The following CEP70 variants were observed in gnomAD, a reference collection of about 807,000 sequenced individuals.
CEP70 encodes centrosomal protein 70, also known as centrosomal protein of 70 kDa.
A neutral mutation model predicts 90.9 loss-of-function variants in CEP70; 70 were observed. The observed-to-expected ratio is 0.77, with a 90% CI of 0.64 to 0.94. The LOEUF is 0.94. Among genes scored for constraint, CEP70 ranks in the 40% least tolerant of loss-of-function variants. The pLI, the probability that CEP70 is intolerant of heterozygous loss-of-function variation, is 0.00. For synonymous variants in CEP70, 220 were observed against 228.3 expected, an observed-to-expected ratio of 0.96 and a Z score of 0.33; for missense variants, 648 against 669.0, an observed-to-expected ratio of 0.97 and a Z score of 0.35.
At chr3:138,544,547 G>GTC (rs1560377674) in intron 6 of CEP70, among the ~76,000 whole-genome samples, 4 of 151,416 alleles carry the variant, frequency 2.6e-5, no homozygotes, top group Non-Finnish European at 5.9e-5. Context: ...ATGTGTGTGT[G>GTC]TGTGTATATA....
At chr3:138,583,452 T>G (rs2041964206) in intron 2 of CEP70, among the ~76,000 whole-genome samples, 1 of 152,160 alleles carries the variant, frequency 6.6e-6, no homozygotes, top group Non-Finnish European at 1.5e-5. Context: ...ATAGAACAAA[T>G]GGACCTAACA....
Position 138,505,475 on chromosome 3 carries a change from A to G in CEP70, c.1051-10T>C, listed in dbSNP as rs933770623. The stretch of plus-strand genomic sequence containing the variant: ...TGATGCTACACAGCACCTTTAAAAA[A>G]ACATAGTGTATATAGTCAAAATATT... On this transcript the variant is annotated splice_polypyrimidine_tract_variant and intron_variant, in intron 12 of 17. Transcript: ENST00000264982. The G allele has an allele frequency of 6.4e-7, 1 of 1,555,610 alleles. No homozygotes were observed. Among genetic ancestry groups the G allele is most frequent in the Non-Finnish European group, 8.7e-7 (1 of 1,155,282 alleles).
intron 8 of CEP70, chr3:138,530,515 C>T (rs2037716313): frequency 1.1e-6 from 1 of 876,792 alleles, no homozygotes; most frequent in Non-Finnish European, 1.4e-6. Context: ...AAAACAACAA[C>T]AACAACAAAA....
At chr3:138,521,797 C>T (rs1216732087) in intron 11 of CEP70, among the ~76,000 whole-genome samples, 2 of 152,218 alleles carry the variant, frequency 1.3e-5, no homozygotes, top group Admixed American at 1.3e-4. Context: ...CCCAACAGCT[C>T]ATTGAGAACA....
intron 1 of CEP70, among the ~76,000 whole-genome samples, chr3:138,592,588 T>C (rs764538665): frequency 2.6e-5 from 4 of 152,126 alleles, no homozygotes; most frequent in Non-Finnish European, 5.9e-5. Flanking sequence ...GGGTAGGAGT[T>C]GATTTGTACA....
intron 2 of CEP70, among the ~76,000 whole-genome samples, chr3:138,581,024 C>T (rs2041825282): frequency 6.6e-6 from 1 of 151,990 alleles, no homozygotes; most frequent in Non-Finnish European, 1.5e-5. Flanking sequence ...GTGGCTCATG[C>T]CTGTAATCCC....
chr3:138,503,455 C>A (rs75403164), intron 13 of CEP70, among the ~76,000 whole-genome samples: 1 of 152,044 alleles, frequency 6.6e-6, no homozygotes, highest in Non-Finnish European at 1.5e-5. Flanking sequence ...CAAATTTAAC[C>A]TGAGGGAAAA....
At chr3:138,589,392 T>G (rs577904953) in intron 2 of CEP70, among the ~76,000 whole-genome samples, 74 of 151,868 alleles carry the variant, frequency 4.9e-4, no homozygotes, top group African/African-American at 1.6e-3. Context: ...TAGTGGCTCA[T>G]GCCTGTAATC....
At chr3:138,538,906 C>A (rs886450067) in intron 6 of CEP70, among the ~76,000 whole-genome samples, 21 of 152,100 alleles carry the variant, frequency 1.4e-4, no homozygotes. Context: ...AATCTGTTGT[C>A]ATATAATTGT....
chr3:138,500,956 T>C (rs879472780), intron 13 of CEP70, 75 bp from the exon 14 acceptor site: 11 of 591,608 alleles, frequency 1.9e-5, no homozygotes, highest in South Asian at 7.2e-5. Flanking sequence ...ACATAATTAG[T>C]AAAATTATAA....
chr3:138,532,366 C>T (rs1017409206), intron 8 of CEP70, 148 bp downstream of exon 8: 19 of 536,560 alleles, frequency 3.5e-5, no homozygotes, highest in African/African-American at 3.4e-4. Flanking sequence ...TTGTAAAATA[C>T]AGTCTTCAAG....
At chr3:138,516,290 G>A (rs1012351971) in intron 11 of CEP70, among the ~76,000 whole-genome samples, 1 of 152,066 alleles carries the variant, frequency 6.6e-6, no homozygotes, top group Non-Finnish European at 1.5e-5. Flanking sequence ...GGAATAGTAG[G>A]AAGGGAATAA....
At chr3:138,554,801 T>C (rs943585147) in intron 6 of CEP70, among the ~76,000 whole-genome samples, 2 of 152,358 alleles carry the variant, frequency 1.3e-5, no homozygotes, top group South Asian at 4.1e-4. Context: ...TTGTAGATTC[T>C]GGATATTAGT....
intron 12 of CEP70, among the ~76,000 whole-genome samples, chr3:138,506,733 G>A (rs757683631): frequency 6.6e-6 from 1 of 152,078 alleles, no homozygotes; most frequent in Non-Finnish European, 1.5e-5. Flanking sequence ...TCAAATTGAT[G>A]TATGTATATT....
intron 7 of CEP70, among the ~76,000 whole-genome samples, chr3:138,533,715 G>C (rs1405798870): frequency 6.6e-6 from 1 of 152,170 alleles, no homozygotes; most frequent in Non-Finnish European, 1.5e-5. Context: ...TGGGGATTAG[G>C]AAAGCAAGCA....
intron 2 of CEP70, among the ~76,000 whole-genome samples, chr3:138,586,059 C>T (rs1376150598): frequency 1.3e-5 from 2 of 152,078 alleles, no homozygotes; most frequent in Admixed American, 6.5e-5. Flanking sequence ...AGCTTCTGCA[C>T]GGCAAAGGAA....
chr3:138,582,239 C>T (rs1297810759), intron 2 of CEP70, among the ~76,000 whole-genome samples: 1 of 151,670 alleles, frequency 6.6e-6, no homozygotes, highest in Admixed American at 6.6e-5. Flanking sequence ...TTTGGGAGGC[C>T]GAGATGGGTG....
chr3:138,568,306 G>A (rs2040924961), intron 6 of CEP70, among the ~76,000 whole-genome samples: 1 of 152,146 alleles, frequency 6.6e-6, no homozygotes, highest in Non-Finnish European at 1.5e-5. Flanking sequence ...CCTTATCAAT[G>A]AACTCTCATG....
At chr3:138,523,640 T>TA (rs750642772) in intron 11 of CEP70, among the ~76,000 whole-genome samples, 2 of 151,886 alleles carry the variant, frequency 1.3e-5, no homozygotes, top group East Asian at 1.9e-4. Context: ...TTCAAAGAGA[T>TA]AAAAAACCCA....
Sources: allele counts gnomAD v4.1 joint callset (sites outside exome capture counted in the v4.1 genomes callset), GRCh38; gene constraint gnomAD v4.1.1; transcripts MANE v1.5; gene names NCBI Gene and HGNC (gene_info 2026-07-23, HGNC 2026-07-21).